PAPPA2: variants seen among roughly 807,000 people sequenced by gnomAD.
PAPPA2 encodes the protein pappalysin-2.
In PAPPA2, 86 loss-of-function variants were observed where a neutral mutation model predicts 176.4. That is an observed-to-expected ratio of 0.49 (90% CI 0.41 to 0.58). The LOEUF is 0.58. Among genes scored for constraint, PAPPA2 ranks in the 20% least tolerant of loss-of-function variants. The probability of loss-of-function intolerance (pLI) is 0.00; values close to 1 mark genes in which losing one functional copy is unlikely to be tolerated. For synonymous variants in PAPPA2, 809 were observed against 852.2 expected (o/e 0.95, Z 0.88); for missense variants, 2,073 against 2,256.9 (o/e 0.92, Z 1.65).
At chr1:176,837,922 G>A (rs951299437) in intron 21 of PAPPA2, among the ~76,000 whole-genome samples, 4 of 152,212 alleles carry the variant, frequency 2.6e-5, no homozygotes, top group Non-Finnish European at 5.9e-5. Flanking sequence ...GACTCTGTTT[G>A]TTGAGGGTGG....
chr1:176,573,134 T>C (rs1652451928), intron 2 of PAPPA2, among the ~76,000 whole-genome samples: 1 of 152,172 alleles, frequency 6.6e-6, no homozygotes, highest in Admixed American at 6.5e-5. Flanking sequence ...CGACAGGTGC[T>C]GGTCACTAAG....
intron 21 of PAPPA2, among the ~76,000 whole-genome samples, chr1:176,801,545 C>A (rs946914809): frequency 2.0e-5 from 3 of 152,130 alleles, no homozygotes; most frequent in South Asian, 2.1e-4. Flanking sequence ...TGTGGGCCAA[C>A]AAAACAGCTC....
chr1:176,712,081 G>A lies in PAPPA2; in HGVS notation c.3798+100G>A, dbSNP rs1661172862. The A allele has an allele frequency of 7.1e-6, 10 of 1,404,398 alleles. No individual in the cohort carries two copies. The Admixed American group carries it at 2.0e-4, about 28-fold the overall frequency. The allele number at this position is 1,404,398 out of a possible 1,614,324, so 87.0% of individuals were successfully genotyped here. ...TGTAAATGGTGCATTTGGATGACTTGTCAGAAAATTTTCTTTTGTTATCTC... is the reference window on the plus strand; with the variant it reads ...TGTAAATGGTGCATTTGGATGACTTATCAGAAAATTTTCTTTTGTTATCTC... On this transcript the variant is annotated intron_variant, in intron 12 of 22. Coordinates refer to ENST00000367662, the MANE Select transcript of PAPPA2 (RefSeq NM_020318.3).
rs2102941355 is a variant in PAPPA2, at chr1:176,793,633, C to T, written c.5094C>T (p.Asp1698=). 6.2e-7 allele frequency: 1 copy of T among 1,612,484 alleles called. No homozygotes were observed. The highest frequency in any genetic ancestry group is 2.2e-5 in the East Asian group (1 of 44,854). Residue 1698 remains aspartate (D), a synonymous_variant, in exon 20 of 23, where the codon GAC becomes GAT. Transcript: ENST00000367662. ...TGCTACCTGAGAATATCACTGCTGA[C>T]ACTCTGGAGCACTGGATGGAACCTG... ...PVMLPENITA[D]TLEHWMEPVK...
intron 3 of PAPPA2, among the ~76,000 whole-genome samples, chr1:176,657,634 T>A (rs1658104283): frequency 6.6e-6 from 1 of 151,964 alleles, no homozygotes; most frequent in African/African-American, 2.4e-5. Flanking sequence ...CCAAAATAAT[T>A]TCTCAGTTTT....
At chr1:176,634,336 A>G (rs1450500139) in intron 3 of PAPPA2, among the ~76,000 whole-genome samples, 2 of 141,160 alleles carry the variant, frequency 1.4e-5, no homozygotes, top group African/African-American at 5.3e-5. Flanking sequence ...GAACTATGGC[A>G]AGGACAAAAA....
At chr1:176,699,773 C>A (rs1660563007) in intron 8 of PAPPA2, among the ~76,000 whole-genome samples, 184 bp downstream of exon 8, 1 of 152,152 alleles carries the variant, frequency 6.6e-6, no homozygotes, top group Admixed American at 6.5e-5. Context: ...AAGGGGCAAG[C>A]AGGTGTCTGA....
chr1:176,747,350 G>A (rs1662958839), intron 14 of PAPPA2, among the ~76,000 whole-genome samples: 1 of 152,132 alleles, frequency 6.6e-6, no homozygotes, highest in African/African-American at 2.4e-5. Context: ...GGTTACCAAG[G>A]GGAAAATTGT....
chr1:176,666,577 G>A (rs1478880539), intron 3 of PAPPA2, among the ~76,000 whole-genome samples: 1 of 146,490 alleles, frequency 6.8e-6, no homozygotes, highest in Non-Finnish European at 1.5e-5. Flanking sequence ...GTGTGTGTGT[G>A]TGTGTGTGTG....
intron 4 of PAPPA2, among the ~76,000 whole-genome samples, chr1:176,687,913 A>G (rs1465175884): frequency 5.3e-5 from 8 of 152,150 alleles, no homozygotes; most frequent in Non-Finnish European, 1.2e-4. Flanking sequence ...CTTTAATACA[A>G]CAACTCACTC....
At chr1:176,813,017 C>T (rs899627996) in intron 21 of PAPPA2, among the ~76,000 whole-genome samples, 22 of 152,116 alleles carry the variant, frequency 1.4e-4, no homozygotes, top group African/African-American at 4.8e-4. Context: ...ATTCAGCTCC[C>T]ACTTATAAAT....
rs1248345095 is a variant in PAPPA2, at chr1:176,594,684, A to G, written c.1080A>G (p.Gln360=). The part of the protein sequence containing the change: ...ATILISHSRY[Q]PGTWTHVAAT... The stretch of plus-strand genomic sequence containing the variant: ...TCTTGATTAGCCACAGTCGCTACCA[A>G]CCAGGCACATGGACCCATGTGGCAG... Residue 360 remains glutamine (Q), a synonymous_variant, in exon 3 of 23, where the codon CAA becomes CAG. Transcript: ENST00000367662. 5.6e-6 allele frequency: 9 copies of G among 1,614,156 alleles called. 1 individual carries two copies. The Admixed American group carries it at 6.7e-5, about 12-fold the overall frequency.
chr1:176,695,790 T>C lies in PAPPA2; in HGVS notation c.2677T>C (p.Tyr893His). ...CACTGAAGATGGGACCTTTCGTCAG[T>C]ATGTGCACACAGCTTCCTCCCGGCG... The part of the protein sequence containing the change: ...ACTEDGTFRQ[Y>H]VHTASSRRVC... The change falls in exon 7 of 23, where the codon TAT (tyrosine) becomes CAT (histidine). Residue 893 changes from tyrosine (Y) to histidine (H), a missense_variant. Physicochemically the swap from Tyr to His is moderately conservative, Grantham distance 83 (BLOSUM62 2). Transcript: ENST00000367662. The C allele has an allele frequency of 6.2e-7, 1 of 1,614,106 alleles. No homozygotes were observed. Among genetic ancestry groups the C allele is most frequent in the East Asian group, 2.2e-5 (1 of 44,868 alleles).
At chr1:176,668,230 C>G (rs969766958) in intron 3 of PAPPA2, among the ~76,000 whole-genome samples, 2 of 152,192 alleles carry the variant, frequency 1.3e-5, no homozygotes, top group African/African-American at 4.8e-5. Flanking sequence ...ACTTCGGTCA[C>G]TCTGAGTCCT....
chr1:176,733,775 C>A (rs373998940), intron 12 of PAPPA2, among the ~76,000 whole-genome samples: 3 of 152,064 alleles, frequency 2.0e-5, no homozygotes, highest in African/African-American at 7.2e-5. Context: ...GATTTGCCAG[C>A]AGATAGTTTA....
intron 3 of PAPPA2, among the ~76,000 whole-genome samples, chr1:176,658,961 A>G (rs1380691340): frequency 6.6e-6 from 1 of 152,024 alleles, no homozygotes; most frequent in African/African-American, 2.4e-5. Flanking sequence ...AAAAATGCAG[A>G]TATATTATAC....
At chr1:176,633,930 A>ACC (rs1656503948) in intron 3 of PAPPA2, among the ~76,000 whole-genome samples, 1 of 152,226 alleles carries the variant, frequency 6.6e-6, no homozygotes, top group Non-Finnish European at 1.5e-5. Flanking sequence ...GATCATTAAA[A>ACC]AGTCAGGAAA....
chr1:176,669,292 C>T (rs895785325), intron 3 of PAPPA2, among the ~76,000 whole-genome samples: 30 of 152,086 alleles, frequency 2.0e-4, no homozygotes, highest in African/African-American at 7.0e-4. Flanking sequence ...CTTTTCTTCT[C>T]TTTCTTTTTC....
At chr1:176,668,953 A>G (rs1326645496) in intron 3 of PAPPA2, among the ~76,000 whole-genome samples, 4 of 152,066 alleles carry the variant, frequency 2.6e-5, no homozygotes, top group African/African-American at 7.2e-5. Context: ...CCAGCTAATG[A>G]GGTTGGTGTG....
Sources: gnomAD v4.1 joint callset for allele counts (sites outside exome capture counted in the v4.1 genomes callset) on GRCh38, gnomAD v4.1.1 for gene constraint, MANE v1.5 for transcripts, NCBI Gene and HGNC (gene_info 2026-07-23, HGNC 2026-07-21) for gene names.